DUSP29: variants seen among roughly 807,000 people sequenced by gnomAD.
The protein encoded by DUSP29 is dual specificity phosphatase 29, also known as atypical dual-specific protein phosphatase.
DUSP29 carries 12 observed loss-of-function variants against 13.5 expected under a neutral mutation model. The observed-to-expected ratio is 0.89, with a 90% CI of 0.57 to 1.44. The LOEUF is 1.44. Ranked by LOEUF, DUSP29 falls within the 40% of genes most tolerant of loss-of-function variation. The probability of loss-of-function intolerance (pLI) is 0.00; values close to 1 mark genes in which losing one functional copy is unlikely to be tolerated. For synonymous variants in DUSP29, 134 were observed against 128.7 expected, an observed-to-expected ratio of 1.04 and a Z score of -0.28; for missense variants, 308 against 301.1, an observed-to-expected ratio of 1.02 and a Z score of -0.17.
chr10:75,062,547 G>A (rs1488491488), intron 1 of DUSP29, among the ~76,000 whole-genome samples: 1 of 152,240 alleles, frequency 6.6e-6, no homozygotes, highest in African/African-American at 2.4e-5. Flanking sequence ...CACGCAGAGT[G>A]AGCCCTGGGA....
At chr10:75,042,805 A>ATTC (rs1846613237) in intron 3 of DUSP29, among the ~76,000 whole-genome samples, 1 of 152,264 alleles carries the variant, frequency 6.6e-6, no homozygotes, top group Non-Finnish European at 1.5e-5. Context: ...GTGGCAAGAA[A>ATTC]GGCTTTCAGT....
In DUSP29 at chr10:75,058,351, A is replaced by T; in HGVS notation, c.164T>A (p.Val55Asp). 6.2e-7 allele frequency: 1 copy of T among 1,614,106 alleles called. No individual in the cohort carries two copies. Among genetic ancestry groups the T allele is most frequent in the Non-Finnish European group, 8.5e-7 (1 of 1,180,006 alleles). ...GTAGAGCTTGGGCCAGACCTCGTTGACGTGGGTGTACTGGGGACTGCCCTT... is the reference window on the plus strand; with the variant it reads ...GTAGAGCTTGGGCCAGACCTCGTTGTCGTGGGTGTACTGGGGACTGCCCTT... ...FWKGSPQYTH[V>D]NEVWPKLYIG... The change falls in exon 2 of 4, where the codon GTC (valine) becomes GAC (aspartate). Residue 55 changes from valine to aspartate, a missense_variant. Val to Asp is a radical substitution (Grantham distance 152). Coordinates refer to ENST00000338487, the MANE Select transcript of DUSP29 (RefSeq NM_001003892.3).
chr10:75,060,793 C>A (rs1167315710), intron 1 of DUSP29, among the ~76,000 whole-genome samples: 1 of 152,132 alleles, frequency 6.6e-6, no homozygotes, highest in African/African-American at 2.4e-5. Context: ...ACCACCATGG[C>A]GGGAATCATC....
intron 1 of DUSP29, among the ~76,000 whole-genome samples, chr10:75,067,514 G>C (rs1191308273): frequency 6.6e-6 from 1 of 152,166 alleles, no homozygotes; most frequent in Non-Finnish European, 1.5e-5. Context: ...CGGGTCACGA[G>C]AAGGAATGAG....
At position 75,067,970 on chromosome 10, in the gene DUSP29, G is replaced by A. The variant is rs945657477; in HGVS notation, c.-35+5599C>T. 5.3e-5 allele frequency among the ~76,000 whole-genome samples: 8 copies of A among 151,956 alleles called. No homozygotes were observed. In the East Asian group the frequency reaches 5.8e-4, roughly 11 times the overall value. On this transcript the variant is annotated intron_variant, in intron 1 of 3. Transcript: ENST00000338487. ...TGGGATTACAGGCGCTCACCATCCC[G>A]CCCAGCTAATTTTTGTATTTTTAGT...
chr10:75,043,564 T>C (rs1321895140), intron 3 of DUSP29, among the ~76,000 whole-genome samples: 2 of 152,306 alleles, frequency 1.3e-5, no homozygotes, highest in East Asian at 3.9e-4. Context: ...GCTCGGACCT[T>C]TACCCTCGGC....
chr10:75,062,859 C>T (rs1409380219), intron 1 of DUSP29, among the ~76,000 whole-genome samples: 1 of 152,198 alleles, frequency 6.6e-6, no homozygotes, highest in Non-Finnish European at 1.5e-5. Context: ...ATAATGAGAG[C>T]TGGGCAGGCT....
At chr10:75,052,792 C>A (rs531187674) in intron 2 of DUSP29, among the ~76,000 whole-genome samples, 4 of 152,332 alleles carry the variant, frequency 2.6e-5, no homozygotes, top group South Asian at 2.1e-4. Flanking sequence ...ATAACCTGCC[C>A]AAAGCCAATG....
chr10:75,054,948 G>A (rs1010978117), intron 2 of DUSP29, among the ~76,000 whole-genome samples: 2 of 151,636 alleles, frequency 1.3e-5, no homozygotes, highest in Non-Finnish European at 2.9e-5. Flanking sequence ...CAAGTGATCC[G>A]CCCACCTCAG....
At chr10:75,054,564 G>T (rs914344483) in intron 2 of DUSP29, among the ~76,000 whole-genome samples, 1 of 152,042 alleles carries the variant, frequency 6.6e-6, no homozygotes, top group South Asian at 2.1e-4. Flanking sequence ...AGTAATATTC[G>T]GAAAGTCTAG....
At chr10:75,058,920 T>C (rs970090716) in intron 1 of DUSP29, among the ~76,000 whole-genome samples, 12 of 152,204 alleles carry the variant, frequency 7.9e-5, no homozygotes, top group Admixed American at 7.9e-4. Context: ...TTTGGGCCAT[T>C]TGGGACCCAA....
chr10:75,067,806 ATT>A (rs2134307135), intron 1 of DUSP29, among the ~76,000 whole-genome samples: 1 of 151,900 alleles, frequency 6.6e-6, no homozygotes, highest in East Asian at 1.9e-4. Flanking sequence ...ATAAGAAAAT[ATT>A]TTATTTTATT....
intron 1 of DUSP29, among the ~76,000 whole-genome samples, chr10:75,066,409 G>A (rs1429491855): frequency 3.9e-5 from 6 of 152,032 alleles, no homozygotes; most frequent in African/African-American, 1.5e-4. Context: ...AAAGAGGCTG[G>A]CGCTGGCAGA....
chr10:75,043,853 C>T lies in DUSP29; in HGVS notation c.365G>A (p.Ser122Asn), dbSNP rs769910557. 1.2e-6 allele frequency: 2 copies of T among 1,613,992 alleles called. No individual in the cohort carries two copies. The highest frequency in any genetic ancestry group is 3.3e-5 in the Admixed American group (2 of 60,028). Residue 122 changes from serine to asparagine, a missense_variant, in exon 3 of 4, where the codon AGT becomes AAT. Physicochemically the swap from Ser to Asn is conservative, Grantham distance 46. Transcript: ENST00000338487. ...EADDLPTFDL[S>N]VFFYPAAAFI... ...GGCTGCCGCCGGGTAGAAGAAGACA[C>T]TGAGGTCGAAGGTGGGCAGGTCGTC...
chr10:75,038,270 C>T (rs563619064), intron 3 of DUSP29, among the ~76,000 whole-genome samples, 193 bp from the exon 4 acceptor site: 5 of 152,204 alleles, frequency 3.3e-5, no homozygotes, highest in African/African-American at 7.2e-5. Flanking sequence ...AGGCAAATAA[C>T]CCTGTAAATA....
chr10:75,052,289 G>A (rs567656810), intron 2 of DUSP29, among the ~76,000 whole-genome samples: 61 of 145,666 alleles, frequency 4.2e-4, no homozygotes, highest in Admixed American at 6.9e-4. Flanking sequence ...TATAATATTT[G>A]CATTTGTCTA....
chr10:75,062,980 C>G (rs539576160), intron 1 of DUSP29, among the ~76,000 whole-genome samples: 1 of 152,184 alleles, frequency 6.6e-6, no homozygotes, highest in South Asian at 2.1e-4. Flanking sequence ...GGCAGCCTGT[C>G]TCCTCCTTAA....
At chr10:75,050,489 T>C (rs777076140) in intron 2 of DUSP29, among the ~76,000 whole-genome samples, 1 of 152,268 alleles carries the variant, frequency 6.6e-6, no homozygotes, top group African/African-American at 2.4e-5. Context: ...AAAGCCTAAT[T>C]CATTTAATAG....
intron 2 of DUSP29, among the ~76,000 whole-genome samples, chr10:75,049,775 A>C (rs899066364): frequency 6.6e-6 from 1 of 151,854 alleles, no homozygotes; most frequent in Non-Finnish European, 1.5e-5. Flanking sequence ...CCTTCACTTC[A>C]CTTCCCAGGC....
Sources: gnomAD v4.1 joint callset for allele counts (sites outside exome capture counted in the v4.1 genomes callset) on GRCh38, gnomAD v4.1.1 for gene constraint, MANE v1.5 for transcripts, NCBI Gene and HGNC (gene_info 2026-07-23, HGNC 2026-07-21) for gene names.